IQCJ: variants seen among roughly 807,000 people sequenced by gnomAD.
The protein encoded by IQCJ is IQ motif containing J.
In IQCJ, 9 loss-of-function variants were observed where a neutral mutation model predicts 11.0. That is an observed-to-expected ratio of 0.82 (90% CI 0.49 to 1.43). The LOEUF is 1.43. Among genes scored for constraint, IQCJ ranks in the 40% most tolerant of loss-of-function variants. IQCJ has a pLI of 0.00. For synonymous variants in IQCJ, 55 were observed against 51.3 expected, an observed-to-expected ratio of 1.07 and a Z score of -0.31; for missense variants, 146 against 133.2, an observed-to-expected ratio of 1.10 and a Z score of -0.47.
intron 1 of IQCJ, among the ~76,000 whole-genome samples, chr3:159,212,692 G>C (rs1302025734): frequency 1.3e-5 from 2 of 152,194 alleles, no homozygotes; most frequent in Non-Finnish European, 2.9e-5. Context: ...CTTCATAATA[G>C]TATGTGCTCG....
In IQCJ at chr3:159,165,706, C is replaced by T. The variant is rs537997340; in HGVS notation, c.10-80137C>T. 5.3e-5 allele frequency among the ~76,000 whole-genome samples: 8 copies of T among 151,694 alleles called. No homozygotes were observed. The South Asian group carries it at 1.5e-3, about 28-fold the overall frequency. The stretch of plus-strand genomic sequence containing the variant: ...TCGGCTCACTGCAACCTCTGCCTCC[C>T]GGGTTCAAGCAATTCTCCTGCCTCA... On this transcript the variant is annotated intron_variant, in intron 1 of 3. Coordinates refer to ENST00000397832, the MANE Select transcript of IQCJ (RefSeq NM_001042706.3).
chr3:159,073,580 C>T (rs1183684675), intron 1 of IQCJ, among the ~76,000 whole-genome samples: 3 of 152,090 alleles, frequency 2.0e-5, no homozygotes, highest in African/African-American at 7.2e-5. Flanking sequence ...ATCATAGTCC[C>T]TCCAAATGTA....
chr3:159,194,380 C>A (rs913671399), intron 1 of IQCJ, among the ~76,000 whole-genome samples: 3 of 152,162 alleles, frequency 2.0e-5, no homozygotes, highest in African/African-American at 7.2e-5. Flanking sequence ...CCACTGGTAG[C>A]CATTCTGACT....
intron 3 of IQCJ, among the ~76,000 whole-genome samples, chr3:159,260,986 A>T (rs1178925516): frequency 6.6e-6 from 1 of 152,188 alleles, no homozygotes; most frequent in Admixed American, 6.5e-5. Flanking sequence ...ACTACAGTTG[A>T]TGGACTTTTC....
At chr3:159,251,152 G>T (rs951023111) in intron 2 of IQCJ, among the ~76,000 whole-genome samples, 20 of 152,008 alleles carry the variant, frequency 1.3e-4, no homozygotes, top group African/African-American at 4.6e-4. Context: ...CCACCTACTT[G>T]TCATGTAGGA....
chr3:159,173,160 C>T (rs1722589381), intron 1 of IQCJ, among the ~76,000 whole-genome samples: 2 of 152,132 alleles, frequency 1.3e-5, no homozygotes, highest in Admixed American at 1.3e-4. Flanking sequence ...AGGAGTAGAC[C>T]GTGAGCAGAC....
chr3:159,117,695 A>G (rs1311600506), intron 1 of IQCJ, among the ~76,000 whole-genome samples: 4 of 152,182 alleles, frequency 2.6e-5, no homozygotes, highest in African/African-American at 4.8e-5. Flanking sequence ...CTCAACAAAT[A>G]GTTGTTGAGT....
intron 1 of IQCJ, among the ~76,000 whole-genome samples, chr3:159,208,610 G>A (rs997711889): frequency 6.6e-6 from 1 of 152,158 alleles, no homozygotes; most frequent in South Asian, 2.1e-4. Flanking sequence ...TTGCAAAGGG[G>A]AATTTTCTTT....
At chr3:159,236,946 T>A (rs1013229833) in intron 1 of IQCJ, among the ~76,000 whole-genome samples, 5 of 152,202 alleles carry the variant, frequency 3.3e-5, no homozygotes, top group Non-Finnish European at 7.3e-5. Context: ...GGTTTTTAAT[T>A]TTTGTTAAAT....
At chr3:159,253,498 T>C (rs1577117555) in intron 3 of IQCJ, among the ~76,000 whole-genome samples, 1 of 152,258 alleles carries the variant, frequency 6.6e-6, no homozygotes, top group East Asian at 1.9e-4. Flanking sequence ...ATTTCAAAAA[T>C]ATTTATGACC....
At chr3:159,104,308 C>T (rs1315345761) in intron 1 of IQCJ, among the ~76,000 whole-genome samples, 1 of 152,180 alleles carries the variant, frequency 6.6e-6, no homozygotes, top group East Asian at 1.9e-4. Flanking sequence ...AGGTCCCTCT[C>T]TTGTGAGTTT....
intron 1 of IQCJ, among the ~76,000 whole-genome samples, chr3:159,141,509 CT>C (rs1358393512): frequency 6.6e-6 from 1 of 152,128 alleles, no homozygotes; most frequent in African/African-American, 2.4e-5. Flanking sequence ...AATTTTCCAC[CT>C]GTAACCATGA....
At position 159,101,147 on chromosome 3, in the gene IQCJ, A is replaced by G. The variant is rs571633292; in HGVS notation, c.9+31706A>G. Among the ~76,000 whole-genome samples, 23 of 144,690 alleles carry G rather than the reference A, an allele frequency of 1.6e-4. 1 individual carries two copies. In the East Asian group the frequency reaches 3.8e-3, roughly 24 times the overall value. 94.9% of individuals were successfully genotyped at this position (144,690 alleles called of 152,430 possible). The stretch of plus-strand genomic sequence containing the variant: ...ACCCGATTTTCCAGGTGCGTCCGTC[A>G]CCCCTTTCTTTGACTCGGAAAGGGA... On this transcript the variant is annotated intron_variant, in intron 1 of 3. Coordinates refer to ENST00000397832, the MANE Select transcript of IQCJ (RefSeq NM_001042706.3).
At chr3:159,201,789 C>CT (rs759350625) in intron 1 of IQCJ, among the ~76,000 whole-genome samples, 64 of 151,942 alleles carry the variant, frequency 4.2e-4, no homozygotes, top group African/African-American at 1.5e-3. Flanking sequence ...TCTTAATCTG[C>CT]TTTTTTTATT....
intron 1 of IQCJ, among the ~76,000 whole-genome samples, chr3:159,087,175 T>A (rs1038610985): frequency 3.9e-5 from 6 of 152,210 alleles, no homozygotes; most frequent in South Asian, 2.1e-4. Context: ...ATTGAGATAA[T>A]CGTGTGGTTT....
rs184182100 is a variant in IQCJ at position 159,221,526 on chromosome 3, C to T, written c.10-24317C>T. Among the ~76,000 whole-genome samples the T allele has an allele frequency of 1.1e-4, 17 of 152,190 alleles. No homozygotes were observed. The East Asian group carries it at 2.9e-3, about 26-fold the overall frequency. On this transcript the variant is annotated intron_variant, in intron 1 of 3. Coordinates refer to ENST00000397832, the MANE Select transcript of IQCJ (RefSeq NM_001042706.3). ...AGAATAAAGTCATGATAAATTACTA[C>T]AATTTTCTTTAAGTAGAGGAAAACA...
chr3:159,171,601 G>A (rs1185285073), intron 1 of IQCJ, among the ~76,000 whole-genome samples: 1 of 152,120 alleles, frequency 6.6e-6, no homozygotes, highest in African/African-American at 2.4e-5. Context: ...ATCACCAGAG[G>A]AGACCTTTAA....
At chr3:159,071,988 T>C (rs1000334420) in intron 1 of IQCJ, among the ~76,000 whole-genome samples, 7 of 152,122 alleles carry the variant, frequency 4.6e-5, no homozygotes, top group African/African-American at 1.7e-4. Context: ...CATGCATCCA[T>C]AGCTGAAAAT....
At chr3:159,208,189 C>T (rs1385464913) in intron 1 of IQCJ, among the ~76,000 whole-genome samples, 2 of 152,158 alleles carry the variant, frequency 1.3e-5, no homozygotes, top group Non-Finnish European at 2.9e-5. Context: ...ATAGAAAGGG[C>T]CCAGACTATT....
Sources: allele counts gnomAD v4.1 joint callset (sites outside exome capture counted in the v4.1 genomes callset), GRCh38; gene constraint gnomAD v4.1.1; transcripts MANE v1.5; gene names NCBI Gene and HGNC (gene_info 2026-07-23, HGNC 2026-07-21).